The following SDK1 variants were observed in gnomAD, a reference collection of about 807,000 sequenced individuals.
SDK1 encodes protein sidekick-1.
In SDK1, 157 loss-of-function variants were observed where a neutral mutation model predicts 245.5. The observed-to-expected ratio is 0.64, with a 90% CI of 0.56 to 0.73. The LOEUF (loss-of-function observed/expected upper bound fraction) is 0.73. Ranked by LOEUF, SDK1 falls within the 30% of genes least tolerant of loss-of-function variation. The pLI, the probability that SDK1 is intolerant of heterozygous loss-of-function variation, is 0.00. For missense variants in SDK1, 3,583 were observed against 3,002.3 expected (o/e 1.19, Z -4.52); for synonymous variants, 1,647 against 1,278.5 (o/e 1.29, Z -6.15).
At chr7:3,671,528 A>G (rs1783700475) in intron 4 of SDK1, among the ~76,000 whole-genome samples, 2 of 152,196 alleles carry the variant, frequency 1.3e-5, no homozygotes, top group Non-Finnish European at 2.9e-5. Context: ...CTTTCTCAAT[A>G]TAGCTGAGAC....
At chr7:3,603,821 G>T (rs1382858185) in intron 1 of SDK1, among the ~76,000 whole-genome samples, 1 of 152,122 alleles carries the variant, frequency 6.6e-6, no homozygotes, top group African/African-American at 2.4e-5. Context: ...CTGTGGGTTT[G>T]CCATAGATAG....
chr7:3,502,622 A>G (rs964612137), intron 1 of SDK1, among the ~76,000 whole-genome samples: 5 of 152,234 alleles, frequency 3.3e-5, no homozygotes, highest in African/African-American at 9.6e-5. Context: ...GGATTTACAT[A>G]CATTTTCAGA....
At chr7:3,810,308 A>G (rs1779354017) in intron 4 of SDK1, among the ~76,000 whole-genome samples, 3 of 152,012 alleles carry the variant, frequency 2.0e-5, no homozygotes, top group Admixed American at 1.3e-4. Flanking sequence ...GAAAACATGT[A>G]TTCCGCACAT....
intron 44 of SDK1, among the ~76,000 whole-genome samples, chr7:4,252,252 C>T (rs1787353880): frequency 6.7e-6 from 1 of 149,334 alleles, no homozygotes; most frequent in Non-Finnish European, 1.5e-5. Flanking sequence ...GTTCCCCTTC[C>T]TGTGTCCATG....
intron 1 of SDK1, among the ~76,000 whole-genome samples, chr7:3,489,218 C>T (rs1018134608): frequency 2.0e-5 from 3 of 152,072 alleles, no homozygotes; most frequent in African/African-American, 7.2e-5. Flanking sequence ...TAGGCAGGCA[C>T]CAGTAGTATC....
At chr7:4,055,984 G>T (rs991122639) in intron 19 of SDK1, among the ~76,000 whole-genome samples, 3 of 152,148 alleles carry the variant, frequency 2.0e-5, no homozygotes, top group African/African-American at 7.2e-5. Flanking sequence ...ATTATGATCA[G>T]AGAACACACT....
intron 4 of SDK1, among the ~76,000 whole-genome samples, chr7:3,695,850 A>G (rs1462718747): frequency 6.6e-6 from 1 of 152,232 alleles, no homozygotes; most frequent in South Asian, 2.1e-4. Flanking sequence ...CCTGGAAGTC[A>G]TCACCCAAAT....
At chr7:3,395,118 A>G (rs1183977634) in intron 1 of SDK1, among the ~76,000 whole-genome samples, 1 of 152,022 alleles carries the variant, frequency 6.6e-6, no homozygotes, top group African/African-American at 2.4e-5. Flanking sequence ...TATGTATTAT[A>G]TTCACTGTAG....
At chr7:4,072,778 T>C (rs1780338165) in intron 20 of SDK1, among the ~76,000 whole-genome samples, 1 of 152,152 alleles carries the variant, frequency 6.6e-6, no homozygotes, top group South Asian at 2.1e-4. Context: ...CAGCACCACT[T>C]TACGGGCCAG....
intron 35 of SDK1, among the ~76,000 whole-genome samples, chr7:4,200,317 C>A (rs775135707): frequency 6.6e-5 from 10 of 152,328 alleles, no homozygotes; most frequent in Admixed American, 2.6e-4. Flanking sequence ...TGGCTGAGGC[C>A]GGCACCTTCC....
At chr7:3,951,585 A>T (rs1780839452) in intron 6 of SDK1, 145 bp from the exon 7 acceptor site, 2 of 653,078 alleles carry the variant, frequency 3.1e-6, no homozygotes, top group Non-Finnish European at 2.7e-6. Flanking sequence ...TTACATCTAG[A>T]TTGAGTTTTC....
chr7:3,745,584 C>A (rs534773252), intron 4 of SDK1, among the ~76,000 whole-genome samples: 51 of 152,110 alleles, frequency 3.4e-4, no homozygotes, highest in African/African-American at 9.6e-4. Flanking sequence ...CAATTTGATC[C>A]TACGCATAGA....
intron 1 of SDK1, among the ~76,000 whole-genome samples, chr7:3,531,525 G>A (rs1179177833): frequency 6.6e-6 from 1 of 152,152 alleles, no homozygotes; most frequent in Non-Finnish European, 1.5e-5. Context: ...AGTAGAGAAT[G>A]TAGTTTGGTT....
At chr7:4,135,569 G>A (rs190274246) in intron 28 of SDK1, among the ~76,000 whole-genome samples, 4 of 152,228 alleles carry the variant, frequency 2.6e-5, no homozygotes, top group South Asian at 2.1e-4. Flanking sequence ...ACTGCATCAC[G>A]GACAAGTAGG....
intron 1 of SDK1, among the ~76,000 whole-genome samples, chr7:3,548,257 T>A (rs1281707480): frequency 1.3e-5 from 2 of 152,222 alleles, no homozygotes; most frequent in Non-Finnish European, 2.9e-5. Flanking sequence ...ATCATTGATA[T>A]AACTGATTAT....
At chr7:3,503,860 T>C (rs1006221751) in intron 1 of SDK1, among the ~76,000 whole-genome samples, 4 of 151,874 alleles carry the variant, frequency 2.6e-5, no homozygotes, top group East Asian at 1.9e-4. Flanking sequence ...TGTTAAAATA[T>C]GTAGATAAAG....
chr7:4,010,516 C>A (rs1249573749), intron 14 of SDK1, among the ~76,000 whole-genome samples: 6 of 152,144 alleles, frequency 3.9e-5, no homozygotes, highest in Admixed American at 3.9e-4. Flanking sequence ...GCCCATCTGT[C>A]TTTATCATGC....
intron 20 of SDK1, among the ~76,000 whole-genome samples, chr7:4,070,428 C>T (rs1388187420): frequency 6.6e-6 from 1 of 152,226 alleles, no homozygotes; most frequent in East Asian, 1.9e-4. Context: ...GGGCTGGAGG[C>T]TCACGTGTGT....
At chr7:3,667,162 C>A (rs542979002) in intron 4 of SDK1, among the ~76,000 whole-genome samples, 2 of 152,014 alleles carry the variant, frequency 1.3e-5, no homozygotes, top group Non-Finnish European at 2.9e-5. Flanking sequence ...TTATTCTGAC[C>A]TAACTGTAGC....
Sources: allele counts gnomAD v4.1 joint callset (sites outside exome capture counted in the v4.1 genomes callset), GRCh38; gene constraint gnomAD v4.1.1; transcripts MANE v1.5; gene names NCBI Gene and HGNC (gene_info 2026-07-23, HGNC 2026-07-21).